PRRC2C: variants seen among roughly 807,000 people sequenced by gnomAD.
PRRC2C encodes protein PRRC2C.
A neutral mutation model predicts 317.2 loss-of-function variants in PRRC2C; 72 were observed. The observed-to-expected ratio is 0.23, with a 90% CI of 0.19 to 0.28. The LOEUF is 0.28. Among genes scored for constraint, PRRC2C ranks in the 10% least tolerant of loss-of-function variants. The probability of loss-of-function intolerance (pLI) is 1.00; values close to 1 mark genes in which losing one functional copy is unlikely to be tolerated. For missense variants in PRRC2C, 3,074 were observed against 3,459.7 expected (o/e 0.89, Z 2.80); for synonymous variants, 1,296 against 1,205.9 (o/e 1.07, Z -1.55).
rs116766366 is a variant in PRRC2C, at chr1:171,506,272, G to A, written c.-57-5760G>A. On this transcript the variant is annotated intron_variant, in intron 1 of 34. Transcript: ENST00000647382. The stretch of plus-strand genomic sequence containing the variant: ...TTTATTTTTTCTTTCAGTACTTTAA[G>A]CATGTAGCTCTACTGCTTGCAGCAT... Among the ~76,000 whole-genome samples, 657 of 152,260 alleles carry A rather than the reference G, an allele frequency of 4.3e-3. 5 individuals carry two copies. The highest frequency in any genetic ancestry group is 0.015 in the African/African-American group (607 of 41,556).
chr1:171,544,348 T>A (rs1471190645), intron 16 of PRRC2C, among the ~76,000 whole-genome samples: 1 of 152,150 alleles, frequency 6.6e-6, no homozygotes, highest in Non-Finnish European at 1.5e-5. Flanking sequence ...GGTCTCGAAC[T>A]CCTGACCTCA....
Position 171,540,833 on chromosome 1 carries a change from A to G in PRRC2C, c.3367A>G (p.Thr1123Ala), listed in dbSNP as rs1677817908. The change falls in exon 16 of 35, where the codon ACT becomes GCT. Residue 1123 changes from threonine to alanine, a missense_variant. Coordinates refer to ENST00000647382, the MANE Select transcript of PRRC2C (RefSeq NM_001387844.1). Reference protein sequence around the residue: ...STVQVEPAVKTVNQQTMAAPV... With the variant: ...STVQVEPAVKAVNQQTMAAPV... ...TGTTCAGGTAGAGCCTGCAGTTAAG[A>G]CTGTAAACCAACAGACTATGGCAGC... 1.2e-6 allele frequency: 2 copies of G among 1,613,648 alleles called. No homozygotes were observed. The highest frequency in any genetic ancestry group is 3.3e-5 in the Admixed American group (2 of 59,958).
rs1651526543 is a variant in PRRC2C at position 171,591,892 on chromosome 1, A to G, written c.*45A>G. On this transcript the variant is annotated 3_prime_UTR_variant, in exon 35 of 35. Coordinates refer to ENST00000647382, the MANE Select transcript of PRRC2C (RefSeq NM_001387844.1). ...GGGATTGGGAGGGGGGCGGGAAAAC[A>G]TGGAGAATTAAGTCAGATAATGCTG... The G allele has an allele frequency of 7.8e-7, 1 of 1,280,560 alleles. No individual in the cohort carries two copies. The highest frequency in any genetic ancestry group is 1.1e-6 in the Non-Finnish European group (1 of 923,390). 79.3% of individuals were successfully genotyped at this position (1,280,560 alleles called of 1,614,324 possible).
intron 19 of PRRC2C, among the ~76,000 whole-genome samples, chr1:171,560,442 A>T (rs966008404): frequency 2.0e-5 from 3 of 152,228 alleles, no homozygotes; most frequent in African/African-American, 7.2e-5. Context: ...ATGGGTAAAC[A>T]GTATCACATG....
At position 171,584,008 on chromosome 1, in the gene PRRC2C, T is replaced by A. The variant is rs1204065007; in HGVS notation, c.7462T>A (p.Ser2488Thr). 4 of 1,613,934 alleles carry A rather than the reference T, an allele frequency of 2.5e-6. No homozygotes were observed. Among genetic ancestry groups the A allele is most frequent in the Non-Finnish European group, 3.4e-6 (4 of 1,179,888 alleles). Residue 2488 changes from serine to threonine, a missense_variant, in exon 29 of 35, where the codon TCT becomes ACT. By Grantham distance (58) the Ser-to-Thr change is moderately conservative. This residue lies in a region of PRRC2C where 490 missense variants were observed against 663.1 expected (regional missense o/e 0.74). Coordinates refer to ENST00000647382, the MANE Select transcript of PRRC2C (RefSeq NM_001387844.1). ...TTTATCCCAGCCATCTGTGGTCCTT[T>A]CTGGTACTGCTATTCACAACTTTCC... The part of the protein sequence containing the change: ...SSLSQPSVVL[S>T]GTAIHNFPTV...
Position 171,536,228 on chromosome 1 carries a change from C to G in PRRC2C, c.2243C>G (p.Pro748Arg). Residue 748 changes from proline (P) to arginine (R), a missense_variant, in exon 14 of 35, where the codon CCT (proline) becomes CGT (arginine). By Grantham distance (103) the Pro-to-Arg change is moderately radical (BLOSUM62 -2). Coordinates refer to ENST00000647382, the MANE Select transcript of PRRC2C (RefSeq NM_001387844.1). Reference sequence around the variant, plus strand: ...CTCATGATGCAGTCCTACATGGATCCTCGAATGATGTCAGGAAGACCTGCT... The same window carrying G: ...CTCATGATGCAGTCCTACATGGATCGTCGAATGATGTCAGGAAGACCTGCT... The part of the protein sequence containing the change: ...RWLMMQSYMD[P>R]RMMSGRPAMD... The G allele has an allele frequency of 6.2e-7, 1 of 1,613,760 alleles. No homozygotes were observed. Among genetic ancestry groups the G allele is most frequent in the South Asian group, 1.1e-5 (1 of 91,000 alleles).
intron 7 of PRRC2C, 43 bp downstream of exon 7, chr1:171,522,302 T>C: frequency 7.4e-7 from 1 of 1,350,314 alleles, no homozygotes. Flanking sequence ...AATATATGCT[T>C]GTTAAGATTT....
intron 9 of PRRC2C, 42 bp downstream of exon 9, chr1:171,523,564 T>A (rs1245718767): frequency 1.4e-6 from 2 of 1,459,642 alleles, no homozygotes; most frequent in East Asian, 2.3e-5. Flanking sequence ...ATGAATTTGT[T>A]GATACAATAT....
At chr1:171,510,289 A>G (rs777129123) in intron 1 of PRRC2C, 1 of 152,190 alleles carries the variant, frequency 6.6e-6, no homozygotes, top group Non-Finnish European at 1.5e-5. Flanking sequence ...TCTCTAATAT[A>G]CAGAAAGGGT....
chr1:171,504,609 T>A (rs1335781379), intron 1 of PRRC2C, among the ~76,000 whole-genome samples: 1 of 152,248 alleles, frequency 6.6e-6, no homozygotes, highest in Non-Finnish European at 1.5e-5. Flanking sequence ...GACTCTATTC[T>A]GCTCCACTGA....
rs765420310 is a variant in PRRC2C at position 171,536,123 on chromosome 1, C to G, written c.2138C>G (p.Pro713Arg). 2.5e-6 allele frequency: 4 copies of G among 1,579,474 alleles called. No homozygotes were observed. The highest frequency in any genetic ancestry group is 1.9e-5 in the Admixed American group (1 of 54,026). Residue 713 changes from proline (P) to arginine (R), a missense_variant, in exon 14 of 35, where the codon CCT (proline) becomes CGT (arginine). Physicochemically the swap from Pro to Arg is moderately radical, Grantham distance 103. Transcript: ENST00000647382. ...CAACCGTCCAGTAGTACTGTCCCTC[C>G]TCCACCACACAGACCTCTTTATCAG... ...PSQPSSSTVP[P>R]PPHRPLYQPM...
intron 1 of PRRC2C, among the ~76,000 whole-genome samples, chr1:171,500,071 CTG>C (rs770940466): frequency 2.0e-5 from 3 of 152,102 alleles, no homozygotes; most frequent in Non-Finnish European, 4.4e-5. Flanking sequence ...CTGGGGGACA[CTG>C]TATTTTCCAG....
intron 32 of PRRC2C, 138 bp downstream of exon 32, chr1:171,587,889 T>C: frequency 1.7e-6 from 1 of 599,318 alleles, no homozygotes. Flanking sequence ...TAGTTTTGTC[T>C]AAAATGTTAA....
At chr1:171,524,106 A>G (rs531049488) in intron 9 of PRRC2C, among the ~76,000 whole-genome samples, 25 of 152,216 alleles carry the variant, frequency 1.6e-4, no homozygotes, top group Non-Finnish European at 1.0e-4. Context: ...ATTAGGAACA[A>G]TTTTTTAAAC....
chr1:171,555,243 C>G (rs1257232792), intron 18 of PRRC2C, among the ~76,000 whole-genome samples: 2 of 152,208 alleles, frequency 1.3e-5, no homozygotes, highest in African/African-American at 4.8e-5. Context: ...CTTTCTTCCA[C>G]TTGATCGAAT....
At chr1:171,534,269 G>A (rs1239326267) in intron 12 of PRRC2C, among the ~76,000 whole-genome samples, 1 of 151,674 alleles carries the variant, frequency 6.6e-6, no homozygotes, top group Non-Finnish European at 1.5e-5. Context: ...ATTGAATAGT[G>A]GGCTTATATT....
In PRRC2C at chr1:171,541,255, G is replaced by A. The variant is rs1339941461; in HGVS notation, c.3789G>A (p.Arg1263=). Reference sequence around the variant, plus strand: ...TTGTCCCCAAAAGAAGACGACAGCGGGGTTCAGAGACTGACACAGACAGTG... The same window carrying A: ...TTGTCCCCAAAAGAAGACGACAGCGAGGTTCAGAGACTGACACAGACAGTG... ...FEVVPKRRRQ[R]GSETDTDSEI... Residue 1263 remains arginine, a synonymous_variant, in exon 16 of 35, where the codon CGG becomes CGA. Transcript: ENST00000647382. The surrounding 1 kb of genome is among the most constrained non-coding windows in gnomAD (Gnocchi z 4.1). The A allele has an allele frequency of 6.2e-7, 1 of 1,613,814 alleles. No individual in the cohort carries two copies. Among genetic ancestry groups the A allele is most frequent in the South Asian group, 1.1e-5 (1 of 91,078 alleles).
At chr1:171,576,122 A>G (rs1380956500) in intron 25 of PRRC2C, among the ~76,000 whole-genome samples, 2 of 152,156 alleles carry the variant, frequency 1.3e-5, no homozygotes, top group Admixed American at 6.5e-5. Context: ...AACCCTTCCT[A>G]GCATTCCTCC....
Position 171,591,764 on chromosome 1 carries a change from C to T in PRRC2C, c.8614C>T (p.Pro2872Ser). ...GGAAAAAGTAGAAGAAAAGCCACCC[C>T]CTGCACCCTCCATAGCCACCAAACC... The part of the protein sequence containing the change: ...CQEKVEEKPP[P>S]APSIATKPVR... Residue 2872 changes from proline to serine, a missense_variant, in exon 35 of 35, where the codon CCT becomes TCT. By Grantham distance (74) the Pro-to-Ser change is moderately conservative. Around this residue, in one of 11 missense-constraint regions of PRRC2C, gnomAD observed 78 missense variants for 97.7 expected, o/e 0.80. Coordinates refer to ENST00000647382, the MANE Select transcript of PRRC2C (RefSeq NM_001387844.1). 1 of 1,613,402 alleles carries T rather than the reference C, an allele frequency of 6.2e-7. No homozygotes were observed. The highest frequency in any genetic ancestry group is 2.2e-5 in the East Asian group (1 of 44,848).
Sources: allele counts gnomAD v4.1 joint callset (sites outside exome capture counted in the v4.1 genomes callset), GRCh38; gene constraint gnomAD v4.1.1; regional missense constraint gnomAD v4.1.1; non-coding constraint Gnocchi (gnomAD v3.1); transcripts MANE v1.5; gene names NCBI Gene and HGNC (gene_info 2026-07-23, HGNC 2026-07-21).